Variants in HSD17B12 observed in about 807,000 individuals in gnomAD.
The protein encoded by HSD17B12 is very-long-chain 3-oxoacyl-CoA reductase.
In HSD17B12, 32 loss-of-function variants were observed where a neutral mutation model predicts 39.3. The observed-to-expected ratio is 0.81, with a 90% CI of 0.61 to 1.09. The LOEUF (loss-of-function observed/expected upper bound fraction) is 1.09, where lower values mean the gene tolerates loss of function less well. Ranked by LOEUF, HSD17B12 falls within the 50% of genes least tolerant of loss-of-function variation. HSD17B12 has a pLI of 0.00. For missense variants in HSD17B12, 342 were observed against 382.9 expected, an observed-to-expected ratio of 0.89 and a Z score of 0.89; for synonymous variants, 150 against 146.7, an observed-to-expected ratio of 1.02 and a Z score of -0.16.
chr11:43,721,470 T>G (rs1950175667), intron 1 of HSD17B12, among the ~76,000 whole-genome samples: 1 of 151,950 alleles, frequency 6.6e-6, no homozygotes. Context: ...TACAAAAACA[T>G]TGGCTGGGCA....
chr11:43,648,583 G>A, the HSD17B12 span, among the ~76,000 whole-genome samples: 1 of 152,162 alleles, frequency 6.6e-6, no homozygotes, highest in African/African-American at 2.4e-5. Context: ...ACAGTATAAG[G>A]AGAAATCCTT....
chr11:43,651,828 T>A, the HSD17B12 span, among the ~76,000 whole-genome samples: 1 of 152,194 alleles, frequency 6.6e-6, no homozygotes. Context: ...ACCTGCCTGG[T>A]TAGCCTCCCG....
At position 43,710,620 on chromosome 11, in the gene HSD17B12, A is replaced by G. The variant is rs1014202840; in HGVS notation, c.160+29633A>G. Among the ~76,000 whole-genome samples the G allele has an allele frequency of 4.6e-5, 7 of 152,284 alleles. No homozygotes were observed. In the South Asian group the frequency reaches 1.4e-3, roughly 32 times the overall value. ...TGTTTTAAGATCTGATTCATTCTGA[A>G]CTATAACTGACTCTAGAGGGTGCTT... On this transcript the variant is annotated intron_variant, in intron 1 of 10. Coordinates refer to ENST00000278353, the MANE Select transcript of HSD17B12 (RefSeq NM_016142.3).
intron 4 of HSD17B12, among the ~76,000 whole-genome samples, chr11:43,814,890 C>T (rs1951106778): frequency 6.6e-6 from 1 of 152,108 alleles, no homozygotes; most frequent in African/African-American, 2.4e-5. Context: ...TTTTAAAGTT[C>T]CTAGCACATG....
chr11:43,663,672 T>G, the HSD17B12 span, among the ~76,000 whole-genome samples: 1 of 152,266 alleles, frequency 6.6e-6, no homozygotes, highest in Admixed American at 6.5e-5. Context: ...TTGTCCATGT[T>G]ACCAACTGAA....
chr11:43,579,711 T>C, the HSD17B12 span, among the ~76,000 whole-genome samples: 2 of 151,936 alleles, frequency 1.3e-5, no homozygotes, highest in African/African-American at 4.8e-5. Context: ...CTTGCGTCTG[T>C]CAGTCCCGGA....
chr11:43,779,415 T>G (rs1262358263), intron 3 of HSD17B12, among the ~76,000 whole-genome samples: 4 of 152,228 alleles, frequency 2.6e-5, no homozygotes, highest in Admixed American at 2.6e-4. Context: ...GAAATAAACT[T>G]ACAACATTGG....
chr11:43,616,576 TACA>T, the HSD17B12 span, among the ~76,000 whole-genome samples: 10 of 152,036 alleles, frequency 6.6e-5, no homozygotes, highest in African/African-American at 2.2e-4. Context: ...ATTAAATCTT[TACA>T]ACAACACTTT....
At chr11:43,832,991 C>T (rs1355456234) in intron 7 of HSD17B12, 2 of 149,880 alleles carry the variant, frequency 1.3e-5, no homozygotes, top group Non-Finnish European at 2.9e-5. Flanking sequence ...CAAGATAGTG[C>T]CACTGCACTC....
the HSD17B12 span, among the ~76,000 whole-genome samples, chr11:43,666,240 A>G: frequency 6.6e-5 from 10 of 152,096 alleles, no homozygotes; most frequent in Non-Finnish European, 1.3e-4. Flanking sequence ...GTCTTACTCT[A>G]TCACCCAGGC....
At chr11:43,635,799 C>A in the HSD17B12 span, among the ~76,000 whole-genome samples, 1 of 114,516 alleles carries the variant, frequency 8.7e-6, no homozygotes, top group African/African-American at 4.4e-5. Flanking sequence ...AAAAATGCTT[C>A]TTTTGTCTTC....
chr11:43,626,588 T>A, the HSD17B12 span, among the ~76,000 whole-genome samples: 155 of 152,026 alleles, frequency 1.0e-3, 1 homozygote, highest in Non-Finnish European at 1.9e-3. Context: ...AACAATGGTT[T>A]CAGGAAAAGG....
intron 1 of HSD17B12, among the ~76,000 whole-genome samples, chr11:43,722,720 G>A (rs1950186617): frequency 6.6e-6 from 1 of 152,040 alleles, no homozygotes; most frequent in Non-Finnish European, 1.5e-5. Context: ...ATGGTGTCAG[G>A]TGCCTGTAAT....
the HSD17B12 span, among the ~76,000 whole-genome samples, chr11:43,578,696 G>A: frequency 6.6e-6 from 1 of 152,078 alleles, no homozygotes; most frequent in Non-Finnish European, 1.5e-5. Flanking sequence ...AGGAAATAGG[G>A]GTGGGGGGAG....
At chr11:43,751,549 G>C (rs1368571661) in intron 2 of HSD17B12, among the ~76,000 whole-genome samples, 15 of 152,120 alleles carry the variant, frequency 9.9e-5, no homozygotes, top group Non-Finnish European at 1.6e-4. Flanking sequence ...AAGTGATCTG[G>C]AACAGTGGGG....
intron 1 of HSD17B12, among the ~76,000 whole-genome samples, chr11:43,713,177 C>T (rs1007402527): frequency 1.3e-5 from 2 of 152,112 alleles, no homozygotes; most frequent in Non-Finnish European, 2.9e-5. Flanking sequence ...ATGTGCACAA[C>T]GTGCAGGTTT....
At chr11:43,585,504 T>C in the HSD17B12 span, among the ~76,000 whole-genome samples, 1 of 152,348 alleles carries the variant, frequency 6.6e-6, no homozygotes, top group South Asian at 2.1e-4. Context: ...GATCTTCAGA[T>C]CTTTATACAA....
At chr11:43,832,340 T>C (rs1951319551) in intron 7 of HSD17B12, among the ~76,000 whole-genome samples, 1 of 152,166 alleles carries the variant, frequency 6.6e-6, no homozygotes, top group African/African-American at 2.4e-5. Context: ...AAAGAAACAC[T>C]TATAAACCAC....
the HSD17B12 span, among the ~76,000 whole-genome samples, chr11:43,583,380 G>T: frequency 6.6e-6 from 1 of 152,312 alleles, no homozygotes; most frequent in Non-Finnish European, 1.5e-5. Flanking sequence ...GACAACTGTT[G>T]CTGCCTTGGA....
Sources: allele counts gnomAD v4.1 joint callset (sites outside exome capture counted in the v4.1 genomes callset), GRCh38; gene constraint gnomAD v4.1.1; transcripts MANE v1.5; gene names NCBI Gene and HGNC (gene_info 2026-07-23, HGNC 2026-07-21).